SLC17A1: variants seen among roughly 807,000 people sequenced by gnomAD.
SLC17A1 encodes solute carrier family 17 member 1, also known as sodium-dependent phosphate transport protein 1.
Under a neutral mutation model 53.5 loss-of-function variants are expected in SLC17A1, and 51 were observed. The observed-to-expected ratio is 0.95, with a 90% CI of 0.76 to 1.20. The LOEUF is 1.20. Ranked by LOEUF, SLC17A1 falls within the 50% of genes most tolerant of loss-of-function variation. The pLI is 0.00. For synonymous variants in SLC17A1, 179 were observed against 198.8 expected, an observed-to-expected ratio of 0.90 and a Z score of 0.84; for missense variants, 538 against 568.2, an observed-to-expected ratio of 0.95 and a Z score of 0.54.
chr6:25,824,991 A>G (rs1764692234), intron 3 of SLC17A1, among the ~76,000 whole-genome samples: 1 of 151,870 alleles, frequency 6.6e-6, no homozygotes, highest in South Asian at 2.1e-4. Context: ...TCATTGCTAT[A>G]AACTCTGCTT....
intron 3 of SLC17A1, among the ~76,000 whole-genome samples, chr6:25,820,491 C>A (rs1581492627): frequency 6.6e-6 from 1 of 152,202 alleles, no homozygotes; most frequent in Admixed American, 6.5e-5. Context: ...CATTTCTCTT[C>A]CTTCACTTGG....
At chr6:25,796,398 T>G (rs1763603417) in intron 12 of SLC17A1, among the ~76,000 whole-genome samples, 1 of 152,076 alleles carries the variant, frequency 6.6e-6, no homozygotes, top group Admixed American at 6.6e-5. Context: ...CTTGCAATAC[T>G]AGATCGATTT....
chr6:25,801,550 G>A (rs374760586), intron 10 of SLC17A1, among the ~76,000 whole-genome samples: 3 of 152,200 alleles, frequency 2.0e-5, no homozygotes, highest in African/African-American at 7.2e-5. Flanking sequence ...TGAAGAGCAA[G>A]GTGGTGCTGT....
chr6:25,727,145 A>T, the SLC17A1 span: 2 of 1,614,218 alleles, frequency 1.2e-6, no homozygotes, highest in Non-Finnish European at 1.7e-6. Context: ...CGAGCGAGGC[A>T]TCACGTTTGG....
chr6:25,813,230 A>G lies in SLC17A1; in HGVS notation c.617-17T>C. 6.3e-7 allele frequency: 1 copy of G among 1,598,406 alleles called. No individual in the cohort carries two copies. The highest frequency in any genetic ancestry group is 1.1e-5 in the South Asian group (1 of 90,706). On this transcript the variant is annotated splice_polypyrimidine_tract_variant and intron_variant, in intron 6 of 12. Transcript: ENST00000244527. ...CACAAGCACCTATCAAAGCAGGGTAAGTTAGAATTGGAAGTCTCTGTTTGT... is the reference window on the plus strand; with the variant it reads ...CACAAGCACCTATCAAAGCAGGGTAGGTTAGAATTGGAAGTCTCTGTTTGT...
chr6:25,743,524 C>G, the SLC17A1 span, among the ~76,000 whole-genome samples: 1 of 152,046 alleles, frequency 6.6e-6, no homozygotes, highest in East Asian at 1.9e-4. Flanking sequence ...GAAATCAAAA[C>G]TAGATGAAAG....
chr6:25,771,036 A>C, the SLC17A1 span: 8 of 1,577,324 alleles, frequency 5.1e-6, no homozygotes, highest in Admixed American at 1.7e-5. Context: ...TCAAATCTCC[A>C]ATTTTTATGA....
At chr6:25,792,642 T>A (rs576774444) in intron 12 of SLC17A1, among the ~76,000 whole-genome samples, 1 of 152,318 alleles carries the variant, frequency 6.6e-6, no homozygotes, top group East Asian at 1.9e-4. Context: ...CGTTTCAATT[T>A]AATGTGGACA....
At chr6:25,782,790 TC>T, downstream of SLC17A1, 1 of 152,302 alleles carries the variant, frequency 6.6e-6, no homozygotes, top group Non-Finnish European at 1.5e-5. Context: ...TTGTGCTGTT[TC>T]CTTTAAAATG....
intron 8 of SLC17A1, among the ~76,000 whole-genome samples, chr6:25,812,523 A>C (rs573318964): frequency 3.3e-5 from 5 of 152,334 alleles, no homozygotes; most frequent in African/African-American, 1.2e-4. Flanking sequence ...CAGTCCCTGC[A>C]GGGAATGGTG....
the SLC17A1 span, chr6:25,769,132 G>T: frequency 6.2e-7 from 1 of 1,613,996 alleles, no homozygotes; most frequent in South Asian, 1.1e-5. Flanking sequence ...TCCACAGAAC[G>T]GCCCTCCACT....
At chr6:25,775,118 TC>T in the SLC17A1 span, among the ~76,000 whole-genome samples, 2 of 152,006 alleles carry the variant, frequency 1.3e-5, no homozygotes, top group Admixed American at 1.3e-4. Context: ...TCATCTGAGG[TC>T]AGGTGTTTGA....
chr6:25,775,347 A>G, the SLC17A1 span, among the ~76,000 whole-genome samples: 1 of 151,970 alleles, frequency 6.6e-6, no homozygotes, highest in Non-Finnish European at 1.5e-5. Context: ...AAAAATAGAA[A>G]GACTGAAAAA....
intron 10 of SLC17A1, 106 bp downstream of exon 10, chr6:25,811,292 G>A (rs892344926): frequency 7.2e-6 from 9 of 1,250,338 alleles, no homozygotes; most frequent in Middle Eastern, 2.4e-4. Context: ...CTCGATTTTA[G>A]CCATTCCACA....
chr6:25,757,556 C>G, the SLC17A1 span, among the ~76,000 whole-genome samples: 8 of 152,210 alleles, frequency 5.3e-5, 1 homozygote, highest in East Asian at 1.4e-3. Context: ...CCCCTGCCCC[C>G]CAACCCGCTG....
chr6:25,764,661 C>T, the SLC17A1 span, among the ~76,000 whole-genome samples: 1 of 152,160 alleles, frequency 6.6e-6, no homozygotes, highest in African/African-American at 2.4e-5. Context: ...GCTTGTGCTC[C>T]TCAGCTTGGA....
chr6:25,731,771 C>T, the SLC17A1 span: 1 of 1,553,664 alleles, frequency 6.4e-7, no homozygotes, highest in South Asian at 1.1e-5. Flanking sequence ...CATCTGCTGG[C>T]CCTATCATGT....
At chr6:25,821,937 A>G (rs990895434) in intron 3 of SLC17A1, among the ~76,000 whole-genome samples, 4 of 152,232 alleles carry the variant, frequency 2.6e-5, no homozygotes, top group Non-Finnish European at 5.9e-5. Context: ...TAGATAATTT[A>G]TAAGAGAACA....
the SLC17A1 span, among the ~76,000 whole-genome samples, chr6:25,724,335 A>G: frequency 6.6e-6 from 1 of 152,194 alleles, no homozygotes; most frequent in Non-Finnish European, 1.5e-5. Flanking sequence ...AGGTAGGAGA[A>G]TCACTTGAAC....
Sources: gnomAD v4.1 joint callset for allele counts (sites outside exome capture counted in the v4.1 genomes callset) on GRCh38, gnomAD v4.1.1 for gene constraint, MANE v1.5 for transcripts, NCBI Gene and HGNC (gene_info 2026-07-23, HGNC 2026-07-21) for gene names.